SHROOM2: variants seen among roughly 807,000 people sequenced by gnomAD.
SHROOM2 encodes protein Shroom2.
A neutral mutation model predicts 75.9 loss-of-function variants in SHROOM2; 33 were observed. That is an observed-to-expected ratio of 0.43 (90% CI 0.33 to 0.58). SHROOM2 has a LOEUF of 0.58. Among genes scored for constraint, SHROOM2 ranks in the 20% least tolerant of loss-of-function variants. The probability of loss-of-function intolerance (pLI) is 0.04; values close to 1 mark genes in which losing one functional copy is unlikely to be tolerated. For missense variants in SHROOM2, 1,434 were observed against 1,461.2 expected (o/e 0.98, Z 0.30); for synonymous variants, 655 against 663.6 (o/e 0.99, Z 0.20).
intron 1 of SHROOM2, among the ~76,000 whole-genome samples, chrX:9,823,206 T>TTCCTCC (rs200757192): frequency 2.6e-5 from 2 of 76,226 alleles, no homozygotes; most frequent in African/African-American, 5.5e-5. Flanking sequence ...CCTTCTCCTC[T>TTCCTCC]TCCTCCTCCT....
intron 1 of SHROOM2, among the ~76,000 whole-genome samples, chrX:9,811,014 C>T (rs1224158850): frequency 8.9e-6 from 1 of 111,907 alleles, no homozygotes; most frequent in South Asian, 3.8e-4. Flanking sequence ...TAAGGCATTC[C>T]GTGAGTCCAC....
At chrX:9,914,727 C>A (rs1023632344) in intron 5 of SHROOM2, among the ~76,000 whole-genome samples, 1 of 111,808 alleles carries the variant, frequency 8.9e-6, no homozygotes, top group Non-Finnish European at 1.9e-5. Context: ...ATGCGGTTAC[C>A]ATCTTGATTT....
intron 5 of SHROOM2, among the ~76,000 whole-genome samples, chrX:9,931,845 T>G (rs1000667040): frequency 9.0e-6 from 1 of 111,277 alleles, no homozygotes; most frequent in Non-Finnish European, 1.9e-5. Context: ...CAAACATTAA[T>G]GTTGTTTCTA....
chrX:9,867,250 C>T (rs2084145193), intron 1 of SHROOM2, among the ~76,000 whole-genome samples: 1 of 110,981 alleles, frequency 9.0e-6, no homozygotes, highest in Admixed American at 9.6e-5. Flanking sequence ...AGTGAGTTTC[C>T]ACACAGAATA....
chrX:9,798,733 A>C (rs1001826605), intron 1 of SHROOM2, among the ~76,000 whole-genome samples: 1 of 112,324 alleles, frequency 8.9e-6, no homozygotes, highest in African/African-American at 3.2e-5. Context: ...TAAAAACCCT[A>C]ATTTCTGGAA....
intron 1 of SHROOM2, among the ~76,000 whole-genome samples, chrX:9,816,589 G>GCTGCTGCTGCTGCTA (rs1457156533): frequency 2.1e-5 from 2 of 96,704 alleles, no homozygotes; most frequent in African/African-American, 1.1e-4. Context: ...CCCTGCTGCT[G>GCTGCTGCTGCTGCTA]CTGCTGCTGC....
intron 1 of SHROOM2, among the ~76,000 whole-genome samples, chrX:9,855,295 T>TAAAA (rs57235424): frequency 0.49 from 19,278 of 39,131 alleles, 6,372 homozygotes; most frequent in Non-Finnish European, 0.66. Flanking sequence ...TAAAGTATAG[T>TAAAA]AAAAAAAAAA....
chrX:9,853,957 C>T (rs1347238447), intron 1 of SHROOM2, among the ~76,000 whole-genome samples: 2 of 111,754 alleles, frequency 1.8e-5, no homozygotes, highest in African/African-American at 6.5e-5. Flanking sequence ...AATTCCATGC[C>T]TTATGGAGAA....
Position 9,829,211 on chromosome X carries a change from G to A in SHROOM2, c.165+42501G>A, listed in dbSNP as rs184738192. Among the ~76,000 whole-genome samples, 596 of 111,081 alleles carry A rather than the reference G, an allele frequency of 5.4e-3. 6 individuals are homozygous for A. Among genetic ancestry groups the A allele is most frequent in the African/African-American group, 0.018 (562 of 30,586 alleles). ...GCTAACTTTTGTATTTTTAGTAGAG[G>A]CGGGGTTTCACCATGTTAGCCAGGC... On this transcript the variant is annotated intron_variant, in intron 1 of 9. Coordinates refer to ENST00000380913, the MANE Select transcript of SHROOM2 (RefSeq NM_001649.4).
intron 1 of SHROOM2, among the ~76,000 whole-genome samples, chrX:9,787,992 CTTT>C (rs58004470): frequency 1.2e-5 from 1 of 84,230 alleles, no homozygotes; most frequent in African/African-American, 4.2e-5. Flanking sequence ...TTTCTTTCTT[CTTT>C]TTTTTTTTTG....
At chrX:9,839,342 T>C (rs1185248709) in intron 1 of SHROOM2, among the ~76,000 whole-genome samples, 1 of 111,447 alleles carries the variant, frequency 9.0e-6, no homozygotes, top group African/African-American at 3.3e-5. Context: ...TGGTCATCTT[T>C]TCTTGTCACC....
At chrX:9,854,623 T>G (rs1230800539) in intron 1 of SHROOM2, among the ~76,000 whole-genome samples, 1 of 112,358 alleles carries the variant, frequency 8.9e-6, no homozygotes, top group African/African-American at 3.2e-5. Context: ...GGTCCTGAGT[T>G]TGCTTTTCTG....
intron 1 of SHROOM2, among the ~76,000 whole-genome samples, chrX:9,806,450 G>T (rs1049224919): frequency 9.2e-6 from 1 of 108,110 alleles, no homozygotes; most frequent in African/African-American, 3.4e-5. Flanking sequence ...ATACATTAAT[G>T]ATCTAGATTG....
intron 1 of SHROOM2, among the ~76,000 whole-genome samples, chrX:9,810,861 G>A (rs913591867): frequency 3.6e-5 from 4 of 111,202 alleles, no homozygotes; most frequent in East Asian, 5.6e-4. Context: ...CCATTCCACC[G>A]TTCTATTAAT....
intron 5 of SHROOM2, among the ~76,000 whole-genome samples, chrX:9,904,942 G>A (rs2084383753): frequency 8.9e-6 from 1 of 112,352 alleles, no homozygotes; most frequent in Admixed American, 9.4e-5. Context: ...GCTCACTGCA[G>A]CCTCAACCTC....
intron 8 of SHROOM2, among the ~76,000 whole-genome samples, chrX:9,944,059 G>A (rs1161854113): frequency 1.8e-5 from 2 of 111,021 alleles, no homozygotes; most frequent in African/African-American, 3.3e-5. Context: ...GTGCACGCCT[G>A]TAATCCCAGC....
intron 1 of SHROOM2, among the ~76,000 whole-genome samples, chrX:9,871,025 C>T (rs1374066339): frequency 4.5e-5 from 5 of 111,177 alleles, no homozygotes; most frequent in African/African-American, 1.3e-4. Flanking sequence ...GTGGAATTCC[C>T]GACAGGCAAG....
rs948421630 is a variant in SHROOM2 at position 9,801,431 on chromosome X, C to T, written c.165+14721C>T. Among the ~76,000 whole-genome samples, 176 of 111,969 alleles carry T rather than the reference C, an allele frequency of 1.6e-3. 2 individuals carry two copies. Among genetic ancestry groups the T allele is most frequent in the African/African-American group, 5.4e-3 (167 of 30,828 alleles). On this transcript the variant is annotated intron_variant, in intron 1 of 9. Coordinates refer to ENST00000380913, the MANE Select transcript of SHROOM2 (RefSeq NM_001649.4). The stretch of plus-strand genomic sequence containing the variant: ...GGCCTCATCTTCTGCTGTTACCCAC[C>T]TTGATCCTTCAGTCCTGCATTGTCT...
intron 1 of SHROOM2, among the ~76,000 whole-genome samples, chrX:9,838,862 C>T (rs2083963891): frequency 9.0e-6 from 1 of 111,410 alleles, no homozygotes; most frequent in Non-Finnish European, 1.9e-5. Flanking sequence ...TGCCGGATTC[C>T]ACGTACAGGG....
Sources: allele counts gnomAD v4.1 joint callset (sites outside exome capture counted in the v4.1 genomes callset), GRCh38; gene constraint gnomAD v4.1.1; transcripts MANE v1.5; gene names NCBI Gene and HGNC (gene_info 2026-07-23, HGNC 2026-07-21).